The following RFX3 variants were observed in gnomAD, a reference collection of about 807,000 sequenced individuals.
RFX3 encodes the protein transcription factor RFX3.
RFX3 carries 14 observed loss-of-function variants against 98.6 expected under a neutral mutation model. That is an observed-to-expected ratio of 0.14 (90% CI 0.09 to 0.22). The LOEUF is 0.22. Ranked by LOEUF, RFX3 falls within the 10% of genes least tolerant of loss-of-function variation. The pLI, the probability that RFX3 is intolerant of heterozygous loss-of-function variation, is 1.00. For missense variants in RFX3, 639 were observed against 926.9 expected (o/e 0.69, Z 4.03); for synonymous variants, 383 against 328.4 (o/e 1.17, Z -1.80).
chr9:3,236,392 GGA>G (rs1819153433), intron 15 of RFX3, among the ~76,000 whole-genome samples: 1 of 152,074 alleles, frequency 6.6e-6, no homozygotes, highest in Non-Finnish European at 1.5e-5. Context: ...ATATACTGAG[GGA>G]TAGGAGGGAC....
rs1187995561 is a variant in RFX3 at position 3,293,151 on chromosome 9, T to C, written c.657A>G (p.Pro219=). 8 of 1,613,694 alleles carry C rather than the reference T, an allele frequency of 5.0e-6. 1 individual carries two copies. The South Asian group carries it at 7.7e-5, about 16-fold the overall frequency. Residue 219 remains proline, a synonymous_variant, in exon 6 of 17, where the codon CCA becomes CCG. Transcript: ENST00000617270. The stretch of plus-strand genomic sequence containing the variant: ...ATTTTCCAAAAGAGGCAGCATTGAC[T>C]GGGTCCAGTTTGTGTTCCTGACAGT... ...LRHCQEHKLD[P]VNAASFGKLI... is the part of the protein sequence containing the mutation.
chr9:3,391,011 C>T (rs781553362), intron 2 of RFX3, among the ~76,000 whole-genome samples: 9 of 152,116 alleles, frequency 5.9e-5, no homozygotes, highest in Non-Finnish European at 1.2e-4. Flanking sequence ...TAGCTATAAA[C>T]TTTCTCTTTA....
intron 3 of RFX3, among the ~76,000 whole-genome samples, chr9:3,335,729 T>C (rs1047606290): frequency 2.6e-4 from 40 of 152,318 alleles, no homozygotes; most frequent in African/African-American, 8.9e-4. Context: ...CAGTAATGAA[T>C]ATGAACACAT....
intron 15 of RFX3, among the ~76,000 whole-genome samples, chr9:3,236,354 A>G (rs1342309971): frequency 6.6e-6 from 1 of 152,218 alleles, no homozygotes; most frequent in Non-Finnish European, 1.5e-5. Context: ...CAGAGAAAGA[A>G]GTGGAAACCA....
chr9:3,361,001 T>A (rs1836359158), intron 2 of RFX3, among the ~76,000 whole-genome samples: 1 of 152,210 alleles, frequency 6.6e-6, no homozygotes, highest in Non-Finnish European at 1.5e-5. Context: ...GAGCATTTCT[T>A]ACACATTTGG....
At chr9:3,302,041 TTTTGAG>T (rs1399096437) in intron 4 of RFX3, among the ~76,000 whole-genome samples, 4 of 151,894 alleles carry the variant, frequency 2.6e-5, no homozygotes, top group African/African-American at 9.7e-5. Context: ...ATACCGCAGA[TTTTGAG>T]TTTAATATGC....
At chr9:3,508,600 G>A (rs936233758) in intron 1 of RFX3, among the ~76,000 whole-genome samples, 9 of 151,824 alleles carry the variant, frequency 5.9e-5, no homozygotes, top group East Asian at 3.9e-4. Flanking sequence ...TCATACTTTC[G>A]TTTATTACAT....
intron 3 of RFX3, among the ~76,000 whole-genome samples, chr9:3,342,473 A>G (rs184236839): frequency 1.1e-3 from 172 of 152,320 alleles, no homozygotes; most frequent in Middle Eastern, 0.01. Flanking sequence ...TTGCATTTTA[A>G]AACACTGATT....
At chr9:3,396,455 C>G (rs985822261) in intron 1 of RFX3, among the ~76,000 whole-genome samples, 14 of 152,096 alleles carry the variant, frequency 9.2e-5, no homozygotes, top group Non-Finnish European at 1.9e-4. Context: ...GGACATTTGG[C>G]TTGGTTCCGA....
At chr9:3,444,699 G>A (rs192443966) in intron 1 of RFX3, among the ~76,000 whole-genome samples, 94 of 152,346 alleles carry the variant, frequency 6.2e-4, no homozygotes, top group Middle Eastern at 3.4e-3. Flanking sequence ...CCAAACAGCT[G>A]ATGGCACAGC....
intron 1 of RFX3, among the ~76,000 whole-genome samples, chr9:3,454,650 T>C (rs1348607154): frequency 6.6e-6 from 1 of 152,208 alleles, no homozygotes; most frequent in Non-Finnish European, 1.5e-5. Context: ...GAATCATCTA[T>C]TCCAACTAGT....
At chr9:3,384,181 T>G (rs200842174) in intron 2 of RFX3, among the ~76,000 whole-genome samples, 1 of 148,202 alleles carries the variant, frequency 6.7e-6, no homozygotes, top group East Asian at 2.0e-4. Flanking sequence ...TCCTTTCCTC[T>G]CCACATACAC....
chr9:3,410,089 G>A (rs1842323920), intron 1 of RFX3, among the ~76,000 whole-genome samples: 1 of 150,380 alleles, frequency 6.6e-6, no homozygotes, highest in South Asian at 2.1e-4. Flanking sequence ...TCTCTTAGAC[G>A]TTTCCAAGTC....
Position 3,505,800 on chromosome 9 carries a change from C to T in RFX3, c.-9+19947G>A, listed in dbSNP as rs543495898. ...ACACTCTCTACCCCCCTGCTTCTCA[C>T]ATTTGTTTTTTCCATAGCATTGACA... On this transcript the variant is annotated intron_variant, in intron 1 of 16. Coordinates refer to ENST00000617270, the MANE Select transcript of RFX3 (RefSeq NM_001282116.2). Among the ~76,000 whole-genome samples the T allele has an allele frequency of 5.4e-5, 8 of 149,172 alleles. No homozygotes were observed. The South Asian group carries it at 1.5e-3, about 29-fold the overall frequency.
chr9:3,274,840 A>ATG (rs992465307), intron 9 of RFX3, among the ~76,000 whole-genome samples: 1 of 151,914 alleles, frequency 6.6e-6, no homozygotes, highest in African/African-American at 2.4e-5. Flanking sequence ...CCTTCTGGAT[A>ATG]TATATATATC....
At chr9:3,396,189 C>A (rs570346185) in intron 1 of RFX3, among the ~76,000 whole-genome samples, 8 of 152,130 alleles carry the variant, frequency 5.3e-5, no homozygotes, top group South Asian at 4.2e-4. Flanking sequence ...TGCCTCCCCC[C>A]TCCCCTCCAC....
intron 1 of RFX3, among the ~76,000 whole-genome samples, chr9:3,523,050 G>C (rs1303055202): frequency 6.6e-6 from 1 of 152,060 alleles, no homozygotes; most frequent in Non-Finnish European, 1.5e-5. Context: ...AAAACTTCTA[G>C]AAATTCATTA....
chr9:3,253,649 G>A (rs7850999), intron 14 of RFX3, among the ~76,000 whole-genome samples: 23,412 of 152,030 alleles, frequency 0.15, 1,959 homozygotes, highest in African/African-American at 0.22. Context: ...TTGTAGCGCT[G>A]TATCAACTGC....
At chr9:3,324,276 T>C (rs889997221) in intron 4 of RFX3, 1 of 205,482 alleles carries the variant, frequency 4.9e-6, no homozygotes, top group African/African-American at 2.3e-5. Context: ...CTGTGATTTA[T>C]GCATAATTTA....
Sources: allele counts gnomAD v4.1 joint callset (sites outside exome capture counted in the v4.1 genomes callset), GRCh38; gene constraint gnomAD v4.1.1; transcripts MANE v1.5; gene names NCBI Gene and HGNC (gene_info 2026-07-23, HGNC 2026-07-21).